CAMTA1: variants seen among roughly 807,000 people sequenced by gnomAD.
CAMTA1 encodes the protein calmodulin-binding transcription activator 1.
In CAMTA1, 27 loss-of-function variants were observed where a neutral mutation model predicts 170.9. The ratio of observed to expected loss-of-function variants is 0.16; its 90% CI spans 0.12 to 0.22. CAMTA1 has a LOEUF of 0.22. CAMTA1 is among the 10% of genes least tolerant of loss of function. The pLI is 1.00. For synonymous variants in CAMTA1, 833 were observed against 891.5 expected (o/e 0.93, Z 1.17); for missense variants, 1,619 against 2,217.2 (o/e 0.73, Z 5.42).
At chr1:7,714,824 C>T (rs2096597015) in intron 11 of CAMTA1, among the ~76,000 whole-genome samples, 1 of 152,128 alleles carries the variant, frequency 6.6e-6, no homozygotes, top group Admixed American at 6.6e-5. Flanking sequence ...GTTTGGCCCA[C>T]AGCATCCTTC....
At chr1:6,791,794 G>A (rs1471142354) in intron 1 of CAMTA1, among the ~76,000 whole-genome samples, 5 of 151,984 alleles carry the variant, frequency 3.3e-5, no homozygotes, top group Non-Finnish European at 5.9e-5. Context: ...AATCAGGTTC[G>A]AGCTAGAGGT....
chr1:7,156,394 T>C (rs1310300908), intron 4 of CAMTA1, among the ~76,000 whole-genome samples: 1 of 151,804 alleles, frequency 6.6e-6, no homozygotes, highest in Non-Finnish European at 1.5e-5. Context: ...GGCAGGACAG[T>C]GAGAGAGACA....
intron 11 of CAMTA1, among the ~76,000 whole-genome samples, chr1:7,721,558 A>G (rs547945010): frequency 1.1e-3 from 160 of 152,210 alleles, no homozygotes; most frequent in African/African-American, 3.6e-3. Flanking sequence ...GCCCAGAGGT[A>G]AGTAAAATTC....
rs190663158 is a variant in CAMTA1 at position 6,918,847 on chromosome 1, G to A, written c.234+93637G>A. ...GCTGCCACTTGATGCAGAGAAGAAA[G>A]GAGGGTCTGAATCGGGCCCAGCAGA... On this transcript the variant is annotated intron_variant, in intron 3 of 22. Coordinates refer to ENST00000303635, the MANE Select transcript of CAMTA1 (RefSeq NM_015215.4). This position sits in a 1 kb window ranked among gnomAD's most constrained non-coding sequence, Gnocchi z 4.0. Among the ~76,000 whole-genome samples, 50 of 152,302 alleles carry A rather than the reference G, an allele frequency of 3.3e-4. No homozygotes were observed. The East Asian group carries it at 9.7e-3, about 29-fold the overall frequency.
At chr1:6,902,087 A>T (rs577152166) in intron 3 of CAMTA1, among the ~76,000 whole-genome samples, 11 of 150,272 alleles carry the variant, frequency 7.3e-5, no homozygotes, top group African/African-American at 2.8e-4. Flanking sequence ...AAAAAAATAA[A>T]AATAAAAACT....
intron 6 of CAMTA1, among the ~76,000 whole-genome samples, chr1:7,483,855 G>A (rs967330843): frequency 4.6e-5 from 7 of 152,080 alleles, no homozygotes; most frequent in Non-Finnish European, 8.8e-5. Flanking sequence ...TCCTGGAGTC[G>A]GCCAGCCCCT....
chr1:7,422,470 A>G (rs1050086799), intron 5 of CAMTA1, among the ~76,000 whole-genome samples: 5 of 152,042 alleles, frequency 3.3e-5, no homozygotes, highest in Admixed American at 2.6e-4. Flanking sequence ...AGGGTTGACA[A>G]CACCAATGGC....
rs2096218079 is a variant in CAMTA1, at chr1:7,682,525, AG to A, written c.2914+4794del. Among the ~76,000 whole-genome samples, 1 of 152,188 alleles carries A rather than the reference AG, an allele frequency of 6.6e-6. No homozygotes were observed. The highest frequency in any genetic ancestry group is 1.5e-5 in the Non-Finnish European group (1 of 68,034). On this transcript the variant is annotated intron_variant, in intron 11 of 22. Coordinates refer to ENST00000303635, the MANE Select transcript of CAMTA1 (RefSeq NM_015215.4). The surrounding 1 kb of genome is among the most constrained non-coding windows in gnomAD (Gnocchi z 5.0). ...GCCCCCACTTCGGAGCTGCCACCTT[AG>A]GTGTGAGAGGGCCTGTCCCTGGCAT...
In CAMTA1 at chr1:7,532,595, G is replaced by T. The variant is rs1420109041; in HGVS notation, c.510+64694G>T. 1.3e-5 allele frequency among the ~76,000 whole-genome samples: 2 copies of T among 152,124 alleles called. 1 individual carries two copies. The highest frequency in any genetic ancestry group is 4.1e-4 in the South Asian group (2 of 4,826). Reference sequence around the variant, plus strand: ...CTTCTTTCTTTAATCCATCACTTAGGCCACAGATATTTACCAGTCAGGTAT... The same window carrying T: ...CTTCTTTCTTTAATCCATCACTTAGTCCACAGATATTTACCAGTCAGGTAT... On this transcript the variant is annotated intron_variant, in intron 6 of 22. Coordinates refer to ENST00000303635, the MANE Select transcript of CAMTA1 (RefSeq NM_015215.4). The surrounding 1 kb of genome is among the most constrained non-coding windows in gnomAD (Gnocchi z 4.2).
intron 6 of CAMTA1, among the ~76,000 whole-genome samples, chr1:7,499,730 ATGAG>A (rs140154472): frequency 0.056 from 7,002 of 124,784 alleles, 410 homozygotes; most frequent in East Asian, 0.23. Flanking sequence ...ATGTGTGTCC[ATGAG>A]TGAGTGTGTA....
chr1:7,377,916 G>A (rs1308253815), intron 5 of CAMTA1, among the ~76,000 whole-genome samples: 1 of 152,046 alleles, frequency 6.6e-6, no homozygotes. Context: ...GTGAGAGCCT[G>A]TCTCAAAAAA....
chr1:7,616,671 GTCCCC>G (rs763530628), intron 6 of CAMTA1, among the ~76,000 whole-genome samples: 4 of 152,180 alleles, frequency 2.6e-5, no homozygotes, highest in Admixed American at 1.3e-4. Context: ...GGGAGGCCAA[GTCCCC>G]TGTGTGAGCT....
rs2412212 is a variant in CAMTA1, at chr1:7,032,260, C to T, written c.235-59044C>T. Among the ~76,000 whole-genome samples the T allele has an allele frequency of 9.5e-3, 1,442 of 152,288 alleles. 7 individuals are homozygous for T. The highest frequency in any genetic ancestry group is 0.013 in the South Asian group (61 of 4,826). On this transcript the variant is annotated intron_variant, in intron 3 of 22. Coordinates refer to ENST00000303635, the MANE Select transcript of CAMTA1 (RefSeq NM_015215.4). ...GATTATAGGCGTGAGCCACTGCACC[C>T]GGCCCCTTTTCTCTTTTTCTGCCTT...
At chr1:7,436,847 G>T (rs758712140) in intron 5 of CAMTA1, among the ~76,000 whole-genome samples, 4 of 152,142 alleles carry the variant, frequency 2.6e-5, no homozygotes, top group Non-Finnish European at 5.9e-5. Context: ...GGGAGCTGAG[G>T]GCCCTGCAAT....
chr1:6,993,803 A>G lies in CAMTA1; in HGVS notation c.235-97501A>G, dbSNP rs141771719. On this transcript the variant is annotated intron_variant, in intron 3 of 22. Transcript: ENST00000303635. ...TCTTGCTTTTTCCTACATTCTGACAATCTCTGTTTTTAAACTGGAGTGTTT... is the reference window on the plus strand; with the variant it reads ...TCTTGCTTTTTCCTACATTCTGACAGTCTCTGTTTTTAAACTGGAGTGTTT... Among the ~76,000 whole-genome samples, 759 of 152,210 alleles carry G rather than the reference A, an allele frequency of 5.0e-3. 13 individuals are homozygous for G. The highest frequency in any genetic ancestry group is 0.017 in the African/African-American group (711 of 41,546).
intron 3 of CAMTA1, among the ~76,000 whole-genome samples, chr1:6,916,848 G>T (rs1680916088): frequency 6.6e-6 from 1 of 152,346 alleles, no homozygotes; most frequent in East Asian, 1.9e-4. Flanking sequence ...GTGCTGAGCT[G>T]TACAGGTGAT....
Position 7,640,291 on chromosome 1 carries a change from C to T in CAMTA1, c.511-109C>T, listed in dbSNP as rs552545295. ...GTCAGCAGTGTGAGGTCAAGAGAGC[C>T]GGGTGTCTGGGGCCTCAGTCTCTGC... is the stretch of plus-strand genomic sequence containing the variant. On this transcript the variant is annotated intron_variant, in intron 6 of 22. Coordinates refer to ENST00000303635, the MANE Select transcript of CAMTA1 (RefSeq NM_015215.4). 1.1e-5 allele frequency: 13 copies of T among 1,209,490 alleles called. No homozygotes were observed. In the South Asian group the frequency reaches 1.5e-4, roughly 14 times the overall value. 74.9% of individuals were successfully genotyped at this position (1,209,490 alleles called of 1,614,324 possible). A position where few individuals can be genotyped will look rare whatever the true frequency, so the allele number is the denominator to read the frequency against.
chr1:7,133,580 GA>G (rs1645383439), intron 4 of CAMTA1, among the ~76,000 whole-genome samples: 1 of 152,130 alleles, frequency 6.6e-6, no homozygotes, highest in African/African-American at 2.4e-5. Context: ...GTCAATATGT[GA>G]AAAGTCTTGT....
Position 7,197,678 on chromosome 1 carries a change from A to ACACACACACACACACACACT in CAMTA1, c.303-51813_303-51812insCACACACACACACACACACT, listed in dbSNP as rs57819326. On this transcript the variant is annotated intron_variant, in intron 4 of 22. Coordinates refer to ENST00000303635, the MANE Select transcript of CAMTA1 (RefSeq NM_015215.4). ...CACACACACACACACACACACACACAATCTACTTGCTTATTTATCTGCTCA... is the reference window on the plus strand; with the variant it reads ...CACACACACACACACACACACACACACACACACACACACACACACTATCTACTTGCTTATTTATCTGCTCA... 2.0e-4 allele frequency among the ~76,000 whole-genome samples: 28 copies of ACACACACACACACACACACT among 139,138 alleles called. 2 individuals carry two copies. Among genetic ancestry groups the ACACACACACACACACACACT allele is most frequent in the East Asian group, 6.6e-4 (3 of 4,536 alleles). The allele number at this position is 139,138 out of a possible 152,430, so 91.3% of individuals were successfully genotyped here.
Sources: allele counts gnomAD v4.1 joint callset (sites outside exome capture counted in the v4.1 genomes callset), GRCh38; gene constraint gnomAD v4.1.1; non-coding constraint Gnocchi (gnomAD v3.1); transcripts MANE v1.5; gene names NCBI Gene and HGNC (gene_info 2026-07-23, HGNC 2026-07-21).